Variants in NRXN3 observed in about 807,000 individuals in gnomAD.
NRXN3 encodes neurexin 3, also known as neurexin III.
A neutral mutation model predicts 137.6 loss-of-function variants in NRXN3; 32 were observed. That is an observed-to-expected ratio of 0.23 (90% CI 0.18 to 0.31). NRXN3 has a LOEUF of 0.31. Among genes scored for constraint, NRXN3 ranks in the 10% least tolerant of loss-of-function variants. NRXN3 has a pLI of 1.00. For missense variants in NRXN3, 1,574 were observed against 2,062.5 expected, an observed-to-expected ratio of 0.76 and a Z score of 4.59; for synonymous variants, 798 against 784.5, an observed-to-expected ratio of 1.02 and a Z score of -0.29.
At chr14:79,569,607 G>A (rs1300680302) in intron 16 of NRXN3, among the ~76,000 whole-genome samples, 1 of 143,284 alleles carries the variant, frequency 7.0e-6, no homozygotes, top group East Asian at 2.1e-4. Context: ...AGCAACGTGT[G>A]TGTGTGTGTG....
At chr14:79,470,123 G>A (rs2096481679) in intron 16 of NRXN3, among the ~76,000 whole-genome samples, 1 of 152,122 alleles carries the variant, frequency 6.6e-6, no homozygotes, top group Non-Finnish European at 1.5e-5. Flanking sequence ...TAATGAAAGT[G>A]GAAGGGATTG....
intron 19 of NRXN3, among the ~76,000 whole-genome samples, chr14:79,783,763 T>C (rs1268391926): frequency 6.6e-6 from 1 of 152,220 alleles, no homozygotes; most frequent in African/African-American, 2.4e-5. Flanking sequence ...GTCTGTGCTT[T>C]GTAGGATTTT....
intron 8 of NRXN3, among the ~76,000 whole-genome samples, chr14:78,799,459 C>T (rs1445401378): frequency 6.6e-6 from 1 of 152,210 alleles, no homozygotes; most frequent in Non-Finnish European, 1.5e-5. Flanking sequence ...AGCCATTCAA[C>T]AGGTCTCTAG....
intron 10 of NRXN3, among the ~76,000 whole-genome samples, chr14:78,872,467 TTTTC>T (rs1480858631): frequency 1.3e-5 from 2 of 151,714 alleles, no homozygotes; most frequent in Non-Finnish European, 2.9e-5. Flanking sequence ...TTTTATTCCA[TTTTC>T]TTTCTTTCTT....
At chr14:78,172,081 C>T (rs969226337) in intron 1 of NRXN3, among the ~76,000 whole-genome samples, 1 of 152,126 alleles carries the variant, frequency 6.6e-6, no homozygotes, top group Non-Finnish European at 1.5e-5. Context: ...CTTCTTTCTT[C>T]CTCTCCGCTG....
chr14:78,757,377 C>T (rs948829019), intron 8 of NRXN3, among the ~76,000 whole-genome samples: 3 of 147,118 alleles, frequency 2.0e-5, no homozygotes, highest in Non-Finnish European at 3.0e-5. Flanking sequence ...CACTGCACTC[C>T]AGCCTGGGCG....
intron 19 of NRXN3, among the ~76,000 whole-genome samples, chr14:79,800,521 A>G (rs1281711250): frequency 6.6e-6 from 1 of 152,200 alleles, no homozygotes; most frequent in Non-Finnish European, 1.5e-5. Flanking sequence ...ATTACAGACA[A>G]TGGTTGTGAT....
chr14:78,330,624 G>A (rs11623035), intron 4 of NRXN3, among the ~76,000 whole-genome samples: 22,491 of 152,030 alleles, frequency 0.15, 1,861 homozygotes, highest in East Asian at 0.38. Context: ...CTTGAAATAA[G>A]GTATGCCATA....
At chr14:78,926,651 ATATATATTTATTATATATATAAT>A (rs2099293370) in intron 10 of NRXN3, among the ~76,000 whole-genome samples, 1 of 99,384 alleles carries the variant, frequency 1.0e-5, no homozygotes, top group African/African-American at 3.5e-5. Flanking sequence ...TATATATAAT[ATATATATTTATTATATATATAAT>A]TATATATTAT....
chr14:78,624,311 G>C (rs1162087883), intron 4 of NRXN3, among the ~76,000 whole-genome samples: 2 of 152,210 alleles, frequency 1.3e-5, no homozygotes, highest in African/African-American at 4.8e-5. Flanking sequence ...ATTGGATTGA[G>C]CAACAGCCCC....
At chr14:79,820,206 C>T (rs2099267241) in intron 20 of NRXN3, among the ~76,000 whole-genome samples, 2 of 152,152 alleles carry the variant, frequency 1.3e-5, no homozygotes, top group South Asian at 2.1e-4. Flanking sequence ...GTGGGAAAAA[C>T]ATTCTTGGTG....
intron 10 of NRXN3, among the ~76,000 whole-genome samples, chr14:78,867,632 T>A (rs1021599321): frequency 6.6e-6 from 1 of 152,182 alleles, no homozygotes; most frequent in Non-Finnish European, 1.5e-5. Flanking sequence ...AAGACTATTA[T>A]ATCAGAGGCG....
At chr14:79,519,455 A>T (rs2097036051) in intron 16 of NRXN3, among the ~76,000 whole-genome samples, 1 of 152,040 alleles carries the variant, frequency 6.6e-6, no homozygotes, top group African/African-American at 2.4e-5. Context: ...TTTCTTAAAC[A>T]TATTTTATGT....
intron 8 of NRXN3, among the ~76,000 whole-genome samples, chr14:78,726,171 A>C (rs1326246416): frequency 2.0e-5 from 3 of 152,206 alleles, no homozygotes; most frequent in African/African-American, 7.2e-5. Flanking sequence ...CTTTTTTGAA[A>C]CACTCTTTTT....
intron 15 of NRXN3, among the ~76,000 whole-genome samples, chr14:79,450,044 C>A (rs1046539672): frequency 6.7e-6 from 1 of 149,852 alleles, no homozygotes; most frequent in Non-Finnish European, 1.5e-5. Context: ...GTCCTCTCCC[C>A]TGCATGCATT....
At chr14:79,198,182 A>C (rs1007382492) in intron 15 of NRXN3, among the ~76,000 whole-genome samples, 1 of 152,206 alleles carries the variant, frequency 6.6e-6, no homozygotes, top group Admixed American at 6.5e-5. Context: ...TATGAAATGG[A>C]AGCATGTTCT....
At chr14:79,573,899 C>T (rs1207150687) in intron 16 of NRXN3, among the ~76,000 whole-genome samples, 1 of 151,774 alleles carries the variant, frequency 6.6e-6, no homozygotes, top group Non-Finnish European at 1.5e-5. Context: ...ATTGTGATAA[C>T]AAGATATATT....
intron 15 of NRXN3, among the ~76,000 whole-genome samples, chr14:79,220,107 T>C (rs1454032067): frequency 6.6e-6 from 1 of 152,224 alleles, no homozygotes. Context: ...GTTGGAAAAC[T>C]GCATGCTATC....
intron 15 of NRXN3, among the ~76,000 whole-genome samples, chr14:79,181,624 T>G (rs1173616309): frequency 7.0e-6 from 1 of 142,938 alleles, no homozygotes; most frequent in Admixed American, 7.4e-5. Context: ...GAGGATGCAA[T>G]CAGCCAAGAT....
Sources: allele counts gnomAD v4.1 joint callset (sites outside exome capture counted in the v4.1 genomes callset), GRCh38; gene constraint gnomAD v4.1.1; transcripts MANE v1.5; gene names NCBI Gene and HGNC (gene_info 2026-07-23, HGNC 2026-07-21).